Variants in NELL2 observed in about 807,000 individuals in gnomAD.
NELL2 encodes neural EGFL like 2.
In NELL2, 41 loss-of-function variants were observed where a neutral mutation model predicts 109.6. The observed-to-expected ratio is 0.37, with a 90% CI of 0.29 to 0.49. The LOEUF is 0.49. Ranked by LOEUF, NELL2 falls within the 20% of genes least tolerant of loss-of-function variation. NELL2 has a pLI of 0.98. For missense variants in NELL2, 900 were observed against 1,008.3 expected (o/e 0.89, Z 1.45); for synonymous variants, 355 against 344.7 (o/e 1.03, Z -0.33).
intron 13 of NELL2, among the ~76,000 whole-genome samples, chr12:44,627,323 T>G (rs567028447): frequency 6.6e-6 from 1 of 152,262 alleles, no homozygotes; most frequent in Non-Finnish European, 1.5e-5. Flanking sequence ...TCTAATTTTT[T>G]GCATTGACAT....
intron 15 of NELL2, among the ~76,000 whole-genome samples, chr12:44,553,724 G>A (rs1392580415): frequency 6.6e-6 from 1 of 151,976 alleles, no homozygotes; most frequent in Non-Finnish European, 1.5e-5. Context: ...ATATATCAAC[G>A]AAACAAAGAG....
At chr12:44,556,250 A>T (rs1943248876) in intron 15 of NELL2, among the ~76,000 whole-genome samples, 1 of 152,194 alleles carries the variant, frequency 6.6e-6, no homozygotes, top group African/African-American at 2.4e-5. Context: ...CATGTTGGGC[A>T]CTGTGGATGC....
chr12:44,540,190 A>G (rs894271249), intron 15 of NELL2, among the ~76,000 whole-genome samples: 1 of 152,222 alleles, frequency 6.6e-6, no homozygotes. Flanking sequence ...AAACATTTTA[A>G]AATCTCTTCT....
In NELL2 at chr12:44,577,491, T is replaced by TTTC. The variant is rs1339996401; in HGVS notation, c.1663+29677_1663+29678insGAA. ...TTTTTTTTTTTTTTTTTTTTTTTTT[T>TTTC]TGAGATGGAGTCTTGCTCTGTCTCC... On this transcript the variant is annotated intron_variant, in intron 15 of 19. Coordinates refer to ENST00000429094, the MANE Select transcript of NELL2 (RefSeq NM_001145108.2). Among the ~76,000 whole-genome samples the TTTC allele has an allele frequency of 7.5e-3, 1,032 of 137,404 alleles. 112 individuals are homozygous for TTTC. The highest frequency in any genetic ancestry group is 0.031 in the African/African-American group (974 of 31,906). The allele number at this position is 137,404 out of a possible 152,430, so 90.1% of individuals were successfully genotyped here.
upstream of NELL2, among the ~76,000 whole-genome samples, chr12:44,877,615 A>G (rs1208272010): frequency 6.6e-6 from 1 of 152,182 alleles, no homozygotes; most frequent in East Asian, 1.9e-4. Flanking sequence ...CATTTTATCT[A>G]TAGATATATA....
intron 15 of NELL2, among the ~76,000 whole-genome samples, chr12:44,578,469 A>G (rs1944196623): frequency 1.3e-5 from 2 of 152,158 alleles, no homozygotes; most frequent in African/African-American, 2.4e-5. Context: ...AATAGAGTTA[A>G]GAGAAATAGG....
intron 15 of NELL2, among the ~76,000 whole-genome samples, chr12:44,596,725 CT>C (rs1565990227): frequency 6.6e-6 from 1 of 152,152 alleles, no homozygotes; most frequent in Non-Finnish European, 1.5e-5. Flanking sequence ...ACATCACATC[CT>C]GCCTAAAATA....
chr12:44,783,408 G>GA (rs1592524421), intron 3 of NELL2, among the ~76,000 whole-genome samples: 1 of 151,124 alleles, frequency 6.6e-6, no homozygotes, highest in African/African-American at 2.4e-5. Flanking sequence ...TAAAAAAATT[G>GA]AAAAAAATCA....
intron 9 of NELL2, among the ~76,000 whole-genome samples, chr12:44,743,917 C>T (rs1763476402): frequency 6.6e-6 from 1 of 151,800 alleles, no homozygotes; most frequent in African/African-American, 2.4e-5. Context: ...CAAGGATACC[C>T]AGGAATTGAA....
At chr12:44,757,299 C>T (rs1566322736) in intron 9 of NELL2, among the ~76,000 whole-genome samples, 1 of 152,070 alleles carries the variant, frequency 6.6e-6, no homozygotes, top group Non-Finnish European at 1.5e-5. Context: ...TCCCATATCC[C>T]ATCCTGCTTT....
intron 9 of NELL2, among the ~76,000 whole-genome samples, chr12:44,716,086 C>G (rs1938471989): frequency 6.6e-6 from 1 of 152,062 alleles, no homozygotes; most frequent in South Asian, 2.1e-4. Context: ...AGGCATGAGC[C>G]ACCATGCCTG....
chr12:44,682,364 G>A (rs1948543558), intron 12 of NELL2, among the ~76,000 whole-genome samples: 1 of 151,314 alleles, frequency 6.6e-6, no homozygotes, highest in South Asian at 2.1e-4. Context: ...CCCATTTTGT[G>A]GGTTGCCTGT....
intron 9 of NELL2, 39 bp from the exon 10 acceptor site, chr12:44,714,780 GA>G: frequency 1.5e-6 from 2 of 1,333,160 alleles, no homozygotes; most frequent in South Asian, 1.3e-5. Flanking sequence ...ATTTTATTGG[GA>G]AAAATAGCTT....
chr12:44,728,258 CCAAA>C (rs1939186450), intron 9 of NELL2, among the ~76,000 whole-genome samples: 2 of 151,774 alleles, frequency 1.3e-5, no homozygotes, highest in Admixed American at 6.6e-5. Context: ...TTTTAAATGA[CCAAA>C]CAGATATTTA....
chr12:44,644,679 A>G (rs1187571954), intron 13 of NELL2, among the ~76,000 whole-genome samples: 1 of 144,610 alleles, frequency 6.9e-6, no homozygotes. Flanking sequence ...TACTCACTAT[A>G]CCTTTTTTTT....
At chr12:44,790,204 G>T (rs551286773) in intron 3 of NELL2, among the ~76,000 whole-genome samples, 1 of 152,190 alleles carries the variant, frequency 6.6e-6, no homozygotes, top group South Asian at 2.1e-4. Context: ...ATGAAGGAAA[G>T]AATCTTAAGA....
rs1300386200 is a variant in NELL2, at chr12:44,738,227, G to C, written c.995-23486C>G. On this transcript the variant is annotated intron_variant, in intron 9 of 19. Transcript: ENST00000429094. The stretch of plus-strand genomic sequence containing the variant: ...GTTCATATCTCAAACAAGTAACCAA[G>C]TGCCTCAATCACAAGTGTTTTCTCA... 2.0e-5 allele frequency among the ~76,000 whole-genome samples: 3 copies of C among 152,068 alleles called. No homozygotes were observed. In the East Asian group the frequency reaches 5.8e-4, roughly 29 times the overall value.
chr12:44,743,114 T>C (rs966680264), intron 9 of NELL2, among the ~76,000 whole-genome samples: 1 of 152,232 alleles, frequency 6.6e-6, no homozygotes, highest in South Asian at 2.1e-4. Context: ...CGGCAGAAAC[T>C]CTACAAGCCA....
At chr12:44,666,612 A>C (rs1164569528) in intron 12 of NELL2, among the ~76,000 whole-genome samples, 1 of 152,174 alleles carries the variant, frequency 6.6e-6, no homozygotes, top group Non-Finnish European at 1.5e-5. Flanking sequence ...CAAAAGAAAT[A>C]ATTGACATAA....
Sources: gnomAD v4.1 joint callset for allele counts (sites outside exome capture counted in the v4.1 genomes callset) on GRCh38, gnomAD v4.1.1 for gene constraint, MANE v1.5 for transcripts, NCBI Gene and HGNC (gene_info 2026-07-23, HGNC 2026-07-21) for gene names.